The following DDX60 variants were observed in gnomAD, a reference collection of about 807,000 sequenced individuals.
DDX60 encodes the protein DExD/H-box helicase 60.
DDX60 carries 165 observed loss-of-function variants against 212.8 expected under a neutral mutation model. The ratio of observed to expected loss-of-function variants is 0.78; its 90% CI spans 0.68 to 0.88. DDX60 has a LOEUF of 0.88. DDX60 is among the 40% of genes least tolerant of loss of function. DDX60 has a pLI of 0.00. For synonymous variants in DDX60, 703 were observed against 685.3 expected (o/e 1.03, Z -0.40); for missense variants, 1,905 against 2,003.9 (o/e 0.95, Z 0.94).
chr4:168,306,403 G>A lies in DDX60; in HGVS notation c.582C>T (p.Tyr194=), dbSNP rs766782894. 13 of 1,612,788 alleles carry A rather than the reference G, an allele frequency of 8.1e-6. No homozygotes were observed. The African/African-American group carries it at 1.7e-4, about 22-fold the overall frequency. Residue 194 remains tyrosine (Y), a synonymous_variant, in exon 5 of 38, where the codon TAC becomes TAT. Transcript: ENST00000393743. ...CLYAYLLPSM[Y]RHQIFSWKNK... ...CCTTCCAGGAAAAAATCTGGTGTCT[G>A]TACATGCTTGGAAGAAGGTATGCAT...
At chr4:168,311,399 C>A in intron 1 of DDX60, 34 bp from the exon 2 acceptor site, 1 of 817,504 alleles carries the variant, frequency 1.2e-6, no homozygotes, top group Non-Finnish European at 2.0e-6. Flanking sequence ...AGTCTTTATT[C>A]AACAAACATG....
chr4:168,224,445 A>C, intron 34 of DDX60, 60 bp from the exon 35 acceptor site: 25 of 1,531,200 alleles, frequency 1.6e-5, no homozygotes, highest in Non-Finnish European at 2.1e-5. Flanking sequence ...GTCAAACCTC[A>C]GATACTTTCT....
intron 28 of DDX60, among the ~76,000 whole-genome samples, chr4:168,249,452 C>T (rs1381083976): frequency 6.6e-6 from 1 of 152,102 alleles, no homozygotes; most frequent in African/African-American, 2.4e-5. Context: ...TGCAACACAT[C>T]ATTTATTACC....
In DDX60 at chr4:168,293,799, A is replaced by G; in HGVS notation, c.870T>C (p.Thr290=). The part of the protein sequence containing the change: ...GNREPSSGQE[T]EIQQVNSNCL... ...ATAAAAACCACACCTGTTGGATCTC[A>G]GTTTCCTGACCAGAGGAGGGCTCTC... The change falls in exon 7 of 38, where the codon ACT becomes ACC. Residue 290 remains threonine (T), a synonymous_variant. Transcript: ENST00000393743. 1 of 1,608,326 alleles carries G rather than the reference A, an allele frequency of 6.2e-7. No individual in the cohort carries two copies. Among genetic ancestry groups the G allele is most frequent in the Middle Eastern group, 1.7e-4 (1 of 6,024 alleles).
At chr4:168,295,755 T>A (rs1423367681) in intron 6 of DDX60, among the ~76,000 whole-genome samples, 1 of 152,174 alleles carries the variant, frequency 6.6e-6, no homozygotes, top group Non-Finnish European at 1.5e-5. Context: ...TGGATCAACC[T>A]AAGTGTTTAT....
chr4:168,268,877 T>C lies in DDX60; in HGVS notation c.2763A>G (p.Ile921Met). 6.3e-7 allele frequency: 1 copy of C among 1,594,254 alleles called. No individual in the cohort carries two copies. Among genetic ancestry groups the C allele is most frequent in the South Asian group, 1.1e-5 (1 of 87,450 alleles). ...RCPFLALSATISNPEHLTEWL... is the reference protein window; with the variant it reads ...RCPFLALSATMSNPEHLTEWL... ...ACTCGGTGAGATGTTCAGGATTACTTATGGTAGCTGAAAGAGCCAAAAAGG... is the reference window on the plus strand; with the variant it reads ...ACTCGGTGAGATGTTCAGGATTACTCATGGTAGCTGAAAGAGCCAAAAAGG... The change falls in exon 20 of 38, where the codon ATA becomes ATG. Residue 921 changes from isoleucine (I) to methionine (M), a missense_variant. Transcript: ENST00000393743.
intron 24 of DDX60, 21 bp from the exon 25 acceptor site, chr4:168,261,010 C>T (rs1579012084): frequency 8.8e-6 from 14 of 1,583,070 alleles, no homozygotes; most frequent in Non-Finnish European, 1.2e-5. Flanking sequence ...GAATACAAAA[C>T]AATTTTAAGT....
intron 33 of DDX60, 107 bp from the exon 34 acceptor site, chr4:168,225,783 T>A (rs1733232692): frequency 1.0e-6 from 1 of 977,746 alleles, no homozygotes; most frequent in African/African-American, 1.7e-5. Flanking sequence ...TCTATAGTTA[T>A]CTATTAATAT....
chr4:168,323,762 T>C (rs1737649525), upstream of DDX60, among the ~76,000 whole-genome samples: 1 of 152,198 alleles, frequency 6.6e-6, no homozygotes, highest in Non-Finnish European at 1.5e-5. Context: ...TCATAGGCCA[T>C]GGCCCGAGAA....
chr4:168,309,063 A>G (rs1309822016), intron 3 of DDX60, among the ~76,000 whole-genome samples: 1 of 152,204 alleles, frequency 6.6e-6, no homozygotes, highest in Non-Finnish European at 1.5e-5. Context: ...CTATTAAATC[A>G]TAACTGCATA....
intron 1 of DDX60, among the ~76,000 whole-genome samples, chr4:168,315,163 C>T (rs1737309014): frequency 6.6e-6 from 1 of 152,110 alleles, no homozygotes; most frequent in Non-Finnish European, 1.5e-5. Context: ...TATTACTCAC[C>T]TCTGATTGTG....
chr4:168,293,644 C>T (rs535968752), intron 7 of DDX60, 143 bp downstream of exon 7: 2 of 736,656 alleles, frequency 2.7e-6, no homozygotes, highest in African/African-American at 1.8e-5. Context: ...CTGATAGACA[C>T]AAATTTCAGT....
chr4:168,322,233 C>T (rs1288386998), upstream of DDX60, among the ~76,000 whole-genome samples: 1 of 152,170 alleles, frequency 6.6e-6, no homozygotes, highest in Non-Finnish European at 1.5e-5. Flanking sequence ...ATTTCAGTTA[C>T]AATCTTCTCC....
chr4:168,224,829 A>G (rs1006877717), intron 34 of DDX60, among the ~76,000 whole-genome samples: 1 of 151,982 alleles, frequency 6.6e-6, no homozygotes, highest in African/African-American at 2.4e-5. Flanking sequence ...TAAAACCCAG[A>G]TCAGACATTC....
Position 168,283,495 on chromosome 4 carries a change from G to C in DDX60, c.1673C>G (p.Thr558Ser). Residue 558 changes from threonine (T) to serine (S), a missense_variant, in exon 13 of 38, where the codon ACT becomes AGT. Coordinates refer to ENST00000393743, the MANE Select transcript of DDX60 (RefSeq NM_017631.6). ...ACTAAAATCCTTCTTTGACTTAATA[G>C]TTTGAGTCACGATGATTTTCGAAGA... ...TVSSKIIVTQ[T>S]IKSKKDFSGP... 1.2e-6 allele frequency: 2 copies of C among 1,613,444 alleles called. No individual in the cohort carries two copies. Among genetic ancestry groups the C allele is most frequent in the Non-Finnish European group, 1.7e-6 (2 of 1,179,608 alleles).
At chr4:168,242,049 G>A (rs1023223940) in intron 30 of DDX60, among the ~76,000 whole-genome samples, 3 of 152,198 alleles carry the variant, frequency 2.0e-5, no homozygotes, top group African/African-American at 7.2e-5. Flanking sequence ...GTTTCAGAGG[G>A]TGGAAGCCCC....
intron 33 of DDX60, among the ~76,000 whole-genome samples, chr4:168,228,915 G>A (rs1560812964): frequency 6.6e-6 from 1 of 152,038 alleles, no homozygotes; most frequent in Non-Finnish European, 1.5e-5. Context: ...TCCTACAAGT[G>A]TAGAATTCAG....
At chr4:168,300,696 T>C (rs188618041) in intron 6 of DDX60, among the ~76,000 whole-genome samples, 13 of 151,862 alleles carry the variant, frequency 8.6e-5, no homozygotes, top group African/African-American at 1.2e-4. Flanking sequence ...GGGACCAAGA[T>C]GAAATACAAA....
Position 168,287,071 on chromosome 4 carries a change from T to C in DDX60, c.1316A>G (p.Glu439Gly), listed in dbSNP as rs17857158. 4 of 1,606,642 alleles carry C rather than the reference T, an allele frequency of 2.5e-6. No individual in the cohort carries two copies. In the South Asian group the frequency reaches 4.5e-5, roughly 18 times the overall value. ...ACCTTTGATTGGTGATGGTTTCTTT[T>C]CAAGAAAACAAACTTTTGTTGTTCT... is the stretch of plus-strand genomic sequence containing the variant. ...PLRTTKVCFL[E>G]KKPSPIKDSS... Residue 439 changes from glutamate to glycine, a missense_variant, in exon 10 of 38, where the codon GAA becomes GGA. By Grantham distance (98) the Glu-to-Gly change is moderately conservative. Coordinates refer to ENST00000393743, the MANE Select transcript of DDX60 (RefSeq NM_017631.6).
Sources: gnomAD v4.1 joint callset for allele counts (sites outside exome capture counted in the v4.1 genomes callset) on GRCh38, gnomAD v4.1.1 for gene constraint, MANE v1.5 for transcripts, NCBI Gene and HGNC (gene_info 2026-07-23, HGNC 2026-07-21) for gene names.